The following PKNOX2 variants were observed in gnomAD, a reference collection of about 807,000 sequenced individuals.
PKNOX2 encodes homeobox protein PKNOX2.
Under a neutral mutation model 53.1 loss-of-function variants are expected in PKNOX2, and 14 were observed. The observed-to-expected ratio is 0.26, with a 90% CI of 0.17 to 0.41. The LOEUF (loss-of-function observed/expected upper bound fraction) is 0.41. Among genes scored for constraint, PKNOX2 ranks in the 10% least tolerant of loss-of-function variants. The pLI is 1.00. For missense variants in PKNOX2, 496 were observed against 602.8 expected, an observed-to-expected ratio of 0.82 and a Z score of 1.85; for synonymous variants, 257 against 242.8, an observed-to-expected ratio of 1.06 and a Z score of -0.54.
At position 125,213,857 on chromosome 11, in the gene PKNOX2, A is replaced by T. The variant is rs145573541; in HGVS notation, c.-200-21188A>T. Among the ~76,000 whole-genome samples the T allele has an allele frequency of 2.8e-4, 43 of 152,180 alleles. 1 individual carries two copies. The highest frequency in any genetic ancestry group is 1.0e-3 in the African/African-American group (42 of 41,548). On this transcript the variant is annotated intron_variant, in intron 1 of 12. Coordinates refer to ENST00000298282, the MANE Select transcript of PKNOX2 (RefSeq NM_001382323.2). ...GGGAGTGAGATGGTGCGCACAGAGG[A>T]AAAAAGCCCCAAACCACGTATGTGG...
At chr11:125,282,005 C>G (rs1449878279) in intron 2 of PKNOX2, among the ~76,000 whole-genome samples, 1 of 152,190 alleles carries the variant, frequency 6.6e-6, no homozygotes, top group Non-Finnish European at 1.5e-5. Flanking sequence ...CCTTTTAGGA[C>G]AAGGTGCAGC....
At chr11:125,237,306 A>G (rs1332930031) in intron 2 of PKNOX2, among the ~76,000 whole-genome samples, 1 of 152,226 alleles carries the variant, frequency 6.6e-6, no homozygotes, top group East Asian at 1.9e-4. Flanking sequence ...AAGCAGCATC[A>G]TAGCCACTGC....
chr11:125,216,461 AG>A (rs1320966692), intron 1 of PKNOX2, among the ~76,000 whole-genome samples: 3 of 152,132 alleles, frequency 2.0e-5, no homozygotes, highest in Non-Finnish European at 2.9e-5. Context: ...GCAGGTGCTG[AG>A]GGGGCCTGAG....
chr11:125,327,045 T>G (rs1342533504), intron 2 of PKNOX2, among the ~76,000 whole-genome samples: 2 of 152,180 alleles, frequency 1.3e-5, no homozygotes, highest in Admixed American at 1.3e-4. Context: ...TTTTTTAGGC[T>G]CTTGGGCCAA....
intron 3 of PKNOX2, among the ~76,000 whole-genome samples, chr11:125,336,012 T>C (rs1436197021): frequency 6.6e-6 from 1 of 152,230 alleles, no homozygotes; most frequent in South Asian, 2.1e-4. Context: ...TAAATATTGT[T>C]CTAAAAACTT....
intron 1 of PKNOX2, among the ~76,000 whole-genome samples, chr11:125,228,876 A>G (rs1941951853): frequency 6.6e-6 from 1 of 151,990 alleles, no homozygotes. Context: ...ATGTGCTGTT[A>G]GGGCTTTGAT....
intron 1 of PKNOX2, among the ~76,000 whole-genome samples, chr11:125,182,237 C>A (rs968921727): frequency 2.0e-5 from 3 of 152,110 alleles, no homozygotes; most frequent in Non-Finnish European, 2.9e-5. Context: ...TCCCAGCTAA[C>A]CTGGGCAGGC....
At chr11:125,418,866 G>A (rs1365129933) in intron 10 of PKNOX2, among the ~76,000 whole-genome samples, 1 of 151,986 alleles carries the variant, frequency 6.6e-6, no homozygotes, top group Non-Finnish European at 1.5e-5. Flanking sequence ...TATTTATATA[G>A]CATTTACATT....
intron 2 of PKNOX2, among the ~76,000 whole-genome samples, chr11:125,292,188 G>A (rs1015543939): frequency 2.0e-5 from 3 of 152,150 alleles, no homozygotes; most frequent in African/African-American, 7.2e-5. Context: ...TTTCTCCCCG[G>A]CTTAGGTCGT....
chr11:125,265,980 G>A (rs1443474058), intron 2 of PKNOX2, among the ~76,000 whole-genome samples: 4 of 152,190 alleles, frequency 2.6e-5, no homozygotes, highest in African/African-American at 4.8e-5. Flanking sequence ...GGTGGAAAGC[G>A]TGTCAGCCAT....
intron 3 of PKNOX2, among the ~76,000 whole-genome samples, chr11:125,344,235 C>A (rs1208646623): frequency 6.6e-6 from 1 of 152,138 alleles, no homozygotes; most frequent in Non-Finnish European, 1.5e-5. Context: ...GTTGGCCCGA[C>A]CACAGTGAGG....
rs1013756115 is a variant in PKNOX2 at position 125,360,087 on chromosome 11, G to A, written c.88-7759G>A. ...CCTGAATCCAGGAGGCAGAGGTTGC[G>A]GTGAGCCGAGATGGTGCCATTGCAC... On this transcript the variant is annotated intron_variant, in intron 4 of 12. Transcript: ENST00000298282. Among the ~76,000 whole-genome samples, 4 of 151,700 alleles carry A rather than the reference G, an allele frequency of 2.6e-5. No homozygotes were observed. The East Asian group carries it at 7.8e-4, about 29-fold the overall frequency.
rs1347584483 is a variant in PKNOX2 at position 125,166,170 on chromosome 11, T to A, written c.-201+1394T>A. Among the ~76,000 whole-genome samples, 1 of 152,012 alleles carries A rather than the reference T, an allele frequency of 6.6e-6. No individual in the cohort carries two copies. Among genetic ancestry groups the A allele is most frequent in the Non-Finnish European group, 1.5e-5 (1 of 67,990 alleles). The stretch of plus-strand genomic sequence containing the variant: ...AGAGCAGAGGGCTGGAGGTCGGAGT[T>A]GGGGGCTGGAGGAACGGGTGGCGTT... On this transcript the variant is annotated intron_variant, in intron 1 of 12. Coordinates refer to ENST00000298282, the MANE Select transcript of PKNOX2 (RefSeq NM_001382323.2). The surrounding 1 kb of genome is among the most constrained non-coding windows in gnomAD (Gnocchi z 4.0).
chr11:125,410,042 A>AC, intron 7 of PKNOX2, 154 bp from the exon 8 acceptor site: 1 of 1,010,456 alleles, frequency 9.9e-7, no homozygotes, highest in East Asian at 2.6e-5. Flanking sequence ...TTTCTAGGAA[A>AC]CCAAGAGAGT....
chr11:125,281,136 C>T (rs1946529356), intron 2 of PKNOX2, among the ~76,000 whole-genome samples: 1 of 152,188 alleles, frequency 6.6e-6, no homozygotes, highest in Non-Finnish European at 1.5e-5. Context: ...GTCTGGAGCT[C>T]AGGCCGCTTG....
chr11:125,344,757 G>A (rs894966979), intron 3 of PKNOX2, among the ~76,000 whole-genome samples: 2 of 152,210 alleles, frequency 1.3e-5, no homozygotes, highest in African/African-American at 2.4e-5. Flanking sequence ...GGGGCAGTAG[G>A]GAAGCAGGTG....
chr11:125,292,839 A>G (rs1433003330), intron 2 of PKNOX2, among the ~76,000 whole-genome samples: 1 of 152,152 alleles, frequency 6.6e-6, no homozygotes, highest in Non-Finnish European at 1.5e-5. Context: ...ACCTTTCAAG[A>G]CTGGAGATAT....
Position 125,207,931 on chromosome 11 carries a change from A to G in PKNOX2, c.-200-27114A>G, listed in dbSNP as rs886720142. ...TAGTCATCCATTTTTTTAATTCAAC[A>G]AATATTGATTGCATCACTACTGTGG... is the stretch of plus-strand genomic sequence containing the variant. On this transcript the variant is annotated intron_variant, in intron 1 of 12. Coordinates refer to ENST00000298282, the MANE Select transcript of PKNOX2 (RefSeq NM_001382323.2). 3.9e-5 allele frequency among the ~76,000 whole-genome samples: 6 copies of G among 152,106 alleles called. No individual in the cohort carries two copies. In the South Asian group the frequency reaches 1.0e-3, roughly 26 times the overall value.
chr11:125,374,028 T>A (rs1395316720), intron 5 of PKNOX2, among the ~76,000 whole-genome samples: 1 of 152,042 alleles, frequency 6.6e-6, no homozygotes, highest in Non-Finnish European at 1.5e-5. Flanking sequence ...CTGGGTCCTG[T>A]GTGACTGTCC....
Sources: allele counts gnomAD v4.1 joint callset (sites outside exome capture counted in the v4.1 genomes callset), GRCh38; gene constraint gnomAD v4.1.1; non-coding constraint Gnocchi (gnomAD v3.1); transcripts MANE v1.5; gene names NCBI Gene and HGNC (gene_info 2026-07-23, HGNC 2026-07-21).